Variants in FTCD observed in about 807,000 individuals in gnomAD.
FTCD encodes formimidoyltransferase cyclodeaminase.
A neutral mutation model predicts 62.9 loss-of-function variants in FTCD; 76 were observed. The ratio of observed to expected loss-of-function variants is 1.21; its 90% CI spans 1.00 to 1.46. The LOEUF (loss-of-function observed/expected upper bound fraction) is 1.46, where lower values mean the gene tolerates loss of function less well. Among genes scored for constraint, FTCD ranks in the 40% most tolerant of loss-of-function variants. FTCD has a pLI of 0.00. For synonymous variants in FTCD, 397 were observed against 336.9 expected (o/e 1.18, Z -1.95); for missense variants, 845 against 751.3 (o/e 1.12, Z -1.46).
chr21:46,136,697 T>G (rs2078873710), downstream of FTCD: 4 of 1,466,654 alleles, frequency 2.7e-6, no homozygotes, highest in African/African-American at 5.7e-5. Flanking sequence ...CATGGGCCAC[T>G]GACCATATGT....
chr21:46,152,694 G>A (rs2079321313), intron 3 of FTCD: 1 of 514,010 alleles, frequency 1.9e-6, no homozygotes, highest in Non-Finnish European at 3.4e-6. Flanking sequence ...CTGCTCTGCG[G>A]TGTAGTCTGA....
intron 3 of FTCD, 178 bp downstream of exon 3, chr21:46,152,729 C>T: frequency 1.7e-6 from 1 of 583,260 alleles, no homozygotes; most frequent in South Asian, 2.6e-5. Flanking sequence ...TGCACGGCCG[C>T]AGGCGAGGCT....
At chr21:46,149,508 G>A (rs546198720) in intron 7 of FTCD, among the ~76,000 whole-genome samples, 7 of 152,276 alleles carry the variant, frequency 4.6e-5, no homozygotes, top group Admixed American at 3.3e-4. Flanking sequence ...TGCTTATTGC[G>A]AAAAACACAC....
intron 10 of FTCD, among the ~76,000 whole-genome samples, chr21:46,141,147 TTTACA>T (rs573955952): frequency 1.3e-4 from 20 of 152,316 alleles, no homozygotes; most frequent in African/African-American, 4.8e-4. Context: ...TATACATATG[TTTACA>T]TTAGAGACAG....
chr21:46,151,717 C>A lies in FTCD; in HGVS notation c.477G>T (p.Ala159=). ...LPKKLQQADW[A]PDFGPSSFVP... ...CAAAGGAGCTGGGACCAAAGTCGGG[C>A]GCCCAGTCGGCCTGCTGGAGCTGTG... Residue 159 remains alanine, a synonymous_variant, in exon 5 of 14, where the codon GCG becomes GCT. Coordinates refer to ENST00000397746, the MANE Select transcript of FTCD (RefSeq NM_206965.2). 1.2e-6 allele frequency: 2 copies of A among 1,612,900 alleles called. No individual in the cohort carries two copies. Among genetic ancestry groups the A allele is most frequent in the Non-Finnish European group, 1.7e-6 (2 of 1,179,972 alleles).
At chr21:46,148,886 T>C (rs2079206870) in intron 7 of FTCD, among the ~76,000 whole-genome samples, 1 of 152,230 alleles carries the variant, frequency 6.6e-6, no homozygotes, top group Non-Finnish European at 1.5e-5. Context: ...GATTATGGCC[T>C]GAGGATTATT....
chr21:46,139,221 T>C (rs1277514205), intron 10 of FTCD, among the ~76,000 whole-genome samples: 1 of 152,122 alleles, frequency 6.6e-6, no homozygotes, highest in Non-Finnish European at 1.5e-5. Context: ...GGAGGTCCCC[T>C]GAGCCCTCAG....
Position 46,138,585 on chromosome 21 carries a change from C to T in FTCD, c.1366G>A (p.Glu456Lys), listed in dbSNP as rs1212189709. The change falls in exon 12 of 14, where the codon GAG becomes AAG. Residue 456 changes from glutamate to lysine, a missense_variant. Coordinates refer to ENST00000397746, the MANE Select transcript of FTCD (RefSeq NM_206965.2). ...RAVSVPLTLA[E>K]TVASLWPALQ... is the part of the protein sequence containing the mutation. ...GCCGGCCACAGCGAGGCCACCGTCT[C>T]CGCCAGCGTCAGCGGCACAGAGACT... The T allele has an allele frequency of 8.8e-6, 14 of 1,589,606 alleles. No homozygotes were observed. Among genetic ancestry groups the T allele is most frequent in the Non-Finnish European group, 1.2e-5 (14 of 1,175,028 alleles).
intron 10 of FTCD, 87 bp downstream of exon 10, chr21:46,145,330 C>G: frequency 8.7e-7 from 1 of 1,149,428 alleles, no homozygotes; most frequent in Non-Finnish European, 1.2e-6. Flanking sequence ...CCTCCCCAGC[C>G]GGAGGCTGAC....
intron 10 of FTCD, among the ~76,000 whole-genome samples, chr21:46,143,401 G>A (rs1423373618): frequency 7.3e-6 from 1 of 136,082 alleles, no homozygotes; most frequent in South Asian, 2.6e-4. Flanking sequence ...CGGCAAGCCA[G>A]CCAGGTGCCC....
chr21:46,146,480 C>T, intron 7 of FTCD, 153 bp from the exon 8 acceptor site: 1 of 647,164 alleles, frequency 1.5e-6, no homozygotes. Flanking sequence ...TGGCTGGCAC[C>T]CCCCACCTCT....
Position 46,145,812 on chromosome 21 carries a change from G to A in FTCD, c.1098+6C>T, listed in dbSNP as rs1413426901. On this transcript the variant is annotated splice_donor_region_variant and intron_variant, in intron 9 of 13. Transcript: ENST00000397746. ...GCGCCTCCCCTGCCCCTCCCCCCGC[G>A]CTCACCATGGCCGCAGCGGCCGCCG... is the stretch of plus-strand genomic sequence containing the variant. The A allele has an allele frequency of 3.6e-5, 9 of 250,560 alleles. No homozygotes were observed. In the South Asian group the frequency reaches 5.1e-4, roughly 14 times the overall value. The allele number at this position is 250,560 out of a possible 1,614,324, so 15.5% of individuals were successfully genotyped here.
chr21:46,151,769 C>A lies in FTCD; in HGVS notation c.457-32G>T, dbSNP rs762422619. 3.1e-5 allele frequency: 50 copies of A among 1,610,056 alleles called. No individual in the cohort carries two copies. The East Asian group carries it at 4.7e-4, about 15-fold the overall frequency. On this transcript the variant is annotated intron_variant, in intron 4 of 13. Coordinates refer to ENST00000397746, the MANE Select transcript of FTCD (RefSeq NM_206965.2). ...GCAAGTTCGCTCTGGGGTGAGACATCCCCCACGGGAGGGAACAGCCCCCCG... is the reference window on the plus strand; with the variant it reads ...GCAAGTTCGCTCTGGGGTGAGACATACCCCACGGGAGGGAACAGCCCCCCG...
rs372572875 is a variant in FTCD at position 46,153,081 on chromosome 21, G to A, written c.239-46C>T. On this transcript the variant is annotated intron_variant, in intron 2 of 13. Coordinates refer to ENST00000397746, the MANE Select transcript of FTCD (RefSeq NM_206965.2). Reference sequence around the variant, plus strand: ...CGGGCAGGAGGCCAGGTGTGGGAGCGGGTGGGAGCTCCACGGGGTTCTCGG... The same window carrying A: ...CGGGCAGGAGGCCAGGTGTGGGAGCAGGTGGGAGCTCCACGGGGTTCTCGG... 9.6e-4 allele frequency: 1,468 copies of A among 1,529,322 alleles called. 4 individuals are homozygous for A. Among genetic ancestry groups the A allele is most frequent in the Non-Finnish European group, 9.7e-4 (1,102 of 1,138,030 alleles). The allele number at this position is 1,529,322 out of a possible 1,614,324, so 94.7% of individuals were successfully genotyped here.
At chr21:46,150,001 A>C (rs1046233317) in intron 7 of FTCD, 118 bp downstream of exon 7, 1 of 1,003,484 alleles carries the variant, frequency 1.0e-6, no homozygotes, top group Non-Finnish European at 1.5e-6. Context: ...ACACAAGTCA[A>C]TAAAATGAAG....
Position 46,152,914 on chromosome 21 carries a change from G to T in FTCD, c.360C>A (p.Asp120Glu), listed in dbSNP as rs369161630. ...GCGGGGGGGCACGCTCACCTGGCAC[G>T]TCCAGCTCCTCTGCCAGCCTCTGGC... is the stretch of plus-strand genomic sequence containing the variant. Reference protein sequence around the residue: ...AFGQRLAEELDVPVYLYGEAA... With the variant: ...AFGQRLAEELEVPVYLYGEAA... Residue 120 changes from aspartate (D) to glutamate (E), a missense_variant, in exon 3 of 14, where the codon GAC (aspartate) becomes GAA (glutamate). Coordinates refer to ENST00000397746, the MANE Select transcript of FTCD (RefSeq NM_206965.2). 23 of 1,570,720 alleles carry T rather than the reference G, an allele frequency of 1.5e-5. No individual in the cohort carries two copies. The East Asian group carries it at 5.3e-4, about 36-fold the overall frequency.
rs765051182 is a variant in FTCD at position 46,146,292 on chromosome 21, G to A, written c.942C>T (p.Pro314=). 5.6e-6 allele frequency: 9 copies of A among 1,605,678 alleles called. No individual in the cohort carries two copies. The change falls in exon 8 of 14, where the codon CCC becomes CCT. Residue 314 remains proline (P), a synonymous_variant. Transcript: ENST00000397746. Reference sequence around the variant, plus strand: ...CGATGATCCGCTCCTTAGGGCTGAAGGGGCACAGGGAGTCCAGGCCCAGCC... The same window carrying A: ...CGATGATCCGCTCCTTAGGGCTGAAAGGGCACAGGGAGTCCAGGCCCAGCC... ...VSRLGLDSLC[P]FSPKERIIEY...
Position 46,137,054 on chromosome 21 carries a change from C to T in FTCD, c.1559G>A (p.Ser520Asn). ...FKDQIHHRVSSLLQEAKTQAA... is the reference protein window; with the variant it reads ...FKDQIHHRVSNLLQEAKTQAA... ...CTGGGTCTTGGCTTCCTGCAGGAGGCTGGAAACACGATGGTGGATCTGATG... is the reference window on the plus strand; with the variant it reads ...CTGGGTCTTGGCTTCCTGCAGGAGGTTGGAAACACGATGGTGGATCTGATG... The change falls in exon 14 of 14, where the codon AGC (serine) becomes AAC (asparagine). Residue 520 changes from serine to asparagine, a missense_variant. Transcript: ENST00000397746. The T allele has an allele frequency of 6.2e-7, 1 of 1,613,828 alleles. No homozygotes were observed. Among genetic ancestry groups the T allele is most frequent in the Non-Finnish European group, 8.5e-7 (1 of 1,180,018 alleles).
chr21:46,145,483 GA>G lies in FTCD; in HGVS notation c.1193del (p.Phe398SerfsTer8). ...TGGTTAGCTTGGCCGAAGCCTCGCGGAAGGGCGGGATCAGGCGCCGCATCGT... is the reference window on the plus strand; with the variant it reads ...TGGTTAGCTTGGCCGAAGCCTCGCGGAGGGCGGGATCAGGCGCCGCATCGT... ...DTTMRRLIPPFREASAKLTTL... is the reference protein window; with the variant it reads ...DTTMRRLIPPXREASAKLTTL... On this transcript the variant is annotated frameshift_variant, in exon 10 of 14. Coordinates refer to ENST00000397746, the MANE Select transcript of FTCD (RefSeq NM_206965.2). LOFTEE classifies it high-confidence loss of function. 6.4e-7 allele frequency: 1 copy of G among 1,557,252 alleles called. No homozygotes were observed. The highest frequency in any genetic ancestry group is 8.7e-7 in the Non-Finnish European group (1 of 1,151,356).
Sources: gnomAD v4.1 joint callset for allele counts (sites outside exome capture counted in the v4.1 genomes callset) on GRCh38, gnomAD v4.1.1 for gene constraint, MANE v1.5 for transcripts, NCBI Gene and HGNC (gene_info 2026-07-23, HGNC 2026-07-21) for gene names.